Variants in OOSP4A observed in about 807,000 individuals in gnomAD.
The protein encoded by OOSP4A is oocyte-secreted protein 4A.
Position 59,970,032 on chromosome 11 carries a change from C to G in OOSP4A, c.480-17C>G, listed in dbSNP as rs887003045. ...CATCAGTACAACAATGTAACTGTTT[C>G]TTTTCCGTCCTTACAGGAACAGTGT... On this transcript the variant is annotated splice_polypyrimidine_tract_variant and intron_variant, in intron 4 of 4. Transcript: ENST00000645590. The G allele has an allele frequency of 4.5e-5, 18 of 397,990 alleles. No individual in the cohort carries two copies. Among genetic ancestry groups the G allele is most frequent in the East Asian group, 2.5e-4 (7 of 28,036 alleles). The allele number at this position is 397,990 out of a possible 1,614,324, so 24.7% of individuals were successfully genotyped here.
chr11:59,965,435 G>T (rs1435745139), intron 1 of OOSP4A, 100 bp from the exon 2 acceptor site: 3 of 397,096 alleles, frequency 7.6e-6, no homozygotes, highest in Non-Finnish European at 1.3e-5. Flanking sequence ...TCACTCTACA[G>T]TTGGGGATTC....
At chr11:59,969,463 C>G (rs1484214071) in intron 4 of OOSP4A, among the ~76,000 whole-genome samples, 179 bp downstream of exon 4, 4 of 152,152 alleles carry the variant, frequency 2.6e-5, no homozygotes, top group African/African-American at 9.7e-5. Context: ...TTTATCTTGG[C>G]ATTTCTCATT....
intron 1 of OOSP4A, 54 bp from the exon 2 acceptor site, chr11:59,965,481 T>C (rs1440839975): frequency 5.0e-6 from 2 of 397,952 alleles, no homozygotes; most frequent in Non-Finnish European, 8.9e-6. Flanking sequence ...AGTTCTTTGT[T>C]TGGGGGCAGA....
chr11:59,965,016 T>C (rs1170922380), intron 1 of OOSP4A, among the ~76,000 whole-genome samples: 4 of 151,876 alleles, frequency 2.6e-5, no homozygotes, highest in South Asian at 2.1e-4. Context: ...CTTATTTAGC[T>C]TAGAAATTCT....
chr11:59,968,724 C>T (rs911028267), intron 3 of OOSP4A, among the ~76,000 whole-genome samples: 1 of 152,164 alleles, frequency 6.6e-6, no homozygotes, highest in Admixed American at 6.5e-5. Flanking sequence ...ATAGAAACAC[C>T]TTTATTTGGC....
chr11:59,969,196 C>T (rs757193784), exon 4 of OOSP4A: 45 of 398,550 alleles, frequency 1.1e-4, no homozygotes, highest in African/African-American at 6.6e-4. Flanking sequence ...GAATGATAGC[C>T]GTCGTGAATG....
At chr11:59,969,512 A>G (rs1236865505) in intron 4 of OOSP4A, among the ~76,000 whole-genome samples, 1 of 152,232 alleles carries the variant, frequency 6.6e-6, no homozygotes, top group African/African-American at 2.4e-5. Flanking sequence ...TGTAACCTCA[A>G]TAGTTCTTTT....
intron 3 of OOSP4A, 116 bp from the exon 4 acceptor site, chr11:59,969,032 TTC>T: frequency 2.5e-6 from 1 of 394,732 alleles, no homozygotes; most frequent in East Asian, 3.6e-5. Flanking sequence ...TGATTTGGCA[TTC>T]TCTCACAGCT....
At chr11:59,969,793 G>A (rs1854137102) in intron 4 of OOSP4A, among the ~76,000 whole-genome samples, 1 of 152,048 alleles carries the variant, frequency 6.6e-6, no homozygotes, top group Non-Finnish European at 1.5e-5. Context: ...TTCAGATGGT[G>A]TCCTCATGTA....
intron 4 of OOSP4A, among the ~76,000 whole-genome samples, chr11:59,969,541 T>G (rs1017062518): frequency 3.3e-5 from 5 of 152,350 alleles, no homozygotes; most frequent in South Asian, 4.1e-4. Flanking sequence ...TTACTTGAGC[T>G]AGAGAAAAAC....
At chr11:59,964,990 A>G (rs1854082872) in intron 1 of OOSP4A, among the ~76,000 whole-genome samples, 1 of 152,066 alleles carries the variant, frequency 6.6e-6, no homozygotes, top group Non-Finnish European at 1.5e-5. Flanking sequence ...CAAAGTGTGC[A>G]TGTTGCGATA....
At chr11:59,967,255 T>C in intron 3 of OOSP4A, 91 bp downstream of exon 3, 1 of 394,030 alleles carries the variant, frequency 2.5e-6, no homozygotes, top group Non-Finnish European at 4.5e-6. Flanking sequence ...AACATTATGC[T>C]AAGGTTGGAC....
At chr11:59,966,410 T>G (rs1479246810) in intron 2 of OOSP4A, among the ~76,000 whole-genome samples, 1 of 152,030 alleles carries the variant, frequency 6.6e-6, no homozygotes, top group Non-Finnish European at 1.5e-5. Context: ...TTTTCTAAAG[T>G]TGTCAAATAT....
At chr11:59,969,020 G>A in intron 3 of OOSP4A, 130 bp from the exon 4 acceptor site, 1 of 393,738 alleles carries the variant, frequency 2.5e-6, no homozygotes, top group Admixed American at 4.4e-5. Flanking sequence ...GTCTCAGCTA[G>A]CTGATTTGGC....
chr11:59,968,609 C>T (rs536337591), intron 3 of OOSP4A, among the ~76,000 whole-genome samples: 30 of 152,298 alleles, frequency 2.0e-4, no homozygotes, highest in Admixed American at 8.5e-4. Context: ...TTTCTGTCCC[C>T]TTTTCTACAC....
chr11:59,969,149 G>A lies in OOSP4A; in HGVS notation c.345-1G>A, dbSNP rs1854132328. On this transcript the variant is annotated splice_acceptor_variant, in intron 3 of 4. Coordinates refer to ENST00000645590, the Ensembl canonical transcript of OOSP4A. LOFTEE classifies it high-confidence loss of function. ...TAAATATATTTTTTTCTCTTTTTCAGAAGGTTTCCAATAATCTTAGTAATG... is the reference window on the plus strand; with the variant it reads ...TAAATATATTTTTTTCTCTTTTTCAAAAGGTTTCCAATAATCTTAGTAATG... The A allele has an allele frequency of 2.5e-6, 1 of 398,374 alleles. No homozygotes were observed. Among genetic ancestry groups the A allele is most frequent in the Admixed American group, 4.4e-5 (1 of 22,672 alleles). 24.7% of individuals were successfully genotyped at this position (398,374 alleles called of 1,614,324 possible).
intron 4 of OOSP4A, among the ~76,000 whole-genome samples, 184 bp from the exon 5 acceptor site, chr11:59,969,865 T>C (rs1276745120): frequency 6.6e-6 from 1 of 152,178 alleles, no homozygotes; most frequent in African/African-American, 2.4e-5. Context: ...ATAATATGTA[T>C]GTGTGTATAC....
chr11:59,970,137 A>T, exon 5 of OOSP4A: 1 of 397,996 alleles, frequency 2.5e-6, no homozygotes. Flanking sequence ...AGGCTACCCT[A>T]CTTCACCTGG....
chr11:59,969,555 C>T (rs926656089), intron 4 of OOSP4A, among the ~76,000 whole-genome samples: 3 of 152,162 alleles, frequency 2.0e-5, no homozygotes, highest in Non-Finnish European at 4.4e-5. Context: ...GAAAAACCAT[C>T]TTTGGTGCAT....
Sources: allele counts gnomAD v4.1 joint callset (sites outside exome capture counted in the v4.1 genomes callset), GRCh38; gene constraint gnomAD v4.1.1; transcripts MANE v1.5; gene names NCBI Gene and HGNC (gene_info 2026-07-23, HGNC 2026-07-21).